TCF12: variants seen among roughly 807,000 people sequenced by gnomAD.
The protein encoded by TCF12 is transcription factor 12, also known as DNA-binding protein HTF4.
A neutral mutation model predicts 86.0 loss-of-function variants in TCF12; 45 were observed. The ratio of observed to expected loss-of-function variants is 0.52; its 90% CI spans 0.41 to 0.67. The LOEUF (loss-of-function observed/expected upper bound fraction) is 0.67. Ranked by LOEUF, TCF12 falls within the 30% of genes least tolerant of loss-of-function variation. TCF12 has a pLI of 0.00. For synonymous variants in TCF12, 330 were observed against 299.6 expected, an observed-to-expected ratio of 1.10 and a Z score of -1.05; for missense variants, 881 against 859.9, an observed-to-expected ratio of 1.02 and a Z score of -0.31.
chr15:56,957,974 G>A (rs1297226097), intron 3 of TCF12, among the ~76,000 whole-genome samples: 1 of 152,096 alleles, frequency 6.6e-6, no homozygotes, highest in South Asian at 2.1e-4. Flanking sequence ...TCAGTGCCCC[G>A]GGATTCCTGA....
chr15:57,254,990 TTAA>T (rs1370518219), intron 16 of TCF12, among the ~76,000 whole-genome samples: 5 of 152,324 alleles, frequency 3.3e-5, no homozygotes, highest in East Asian at 1.9e-4. Context: ...GCAGAATAAC[TTAA>T]TAATTTGTTG....
Position 57,273,177 on chromosome 15 carries a change from C to G in TCF12, c.1893C>G (p.His631Gln), listed in dbSNP as rs1203447552. Reference protein sequence around the residue: ...FKELGRMCQLHLKSEKPQTKL... With the variant: ...FKELGRMCQLQLKSEKPQTKL... ...AGCTTGGCCGAATGTGTCAGCTTCA[C>G]TTGAAGAGTGAAAAACCCCAAACAA... Residue 631 changes from histidine (H) to glutamine (Q), a missense_variant, in exon 19 of 21, where the codon CAC becomes CAG. This residue lies in a region of TCF12 where 46 missense variants were observed against 76.7 expected (regional missense o/e 0.60). Coordinates refer to ENST00000333725, the MANE Select transcript of TCF12 (RefSeq NM_207037.2). 1 of 1,614,196 alleles carries G rather than the reference C, an allele frequency of 6.2e-7. No individual in the cohort carries two copies. Among genetic ancestry groups the G allele is most frequent in the Non-Finnish European group, 8.5e-7 (1 of 1,180,040 alleles).
chr15:57,279,753 G>A (rs544447649), intron 19 of TCF12, among the ~76,000 whole-genome samples: 1 of 152,220 alleles, frequency 6.6e-6, no homozygotes, highest in African/African-American at 2.4e-5. Context: ...ATTATAAAGA[G>A]AAATGTGAGC....
intron 5 of TCF12, 42 bp from the exon 6 acceptor site, chr15:57,166,360 A>G (rs781547009): frequency 6.5e-6 from 10 of 1,536,196 alleles, no homozygotes; most frequent in South Asian, 5.9e-5. Context: ...GTCTGTCAAT[A>G]AATGAAGGGT....
At chr15:57,062,366 T>G (rs1444592903) in intron 3 of TCF12, among the ~76,000 whole-genome samples, 2 of 152,134 alleles carry the variant, frequency 1.3e-5, no homozygotes, top group Non-Finnish European at 2.9e-5. Flanking sequence ...ACGTAATCTC[T>G]GTGTTTTCAA....
chr15:57,030,927 C>T (rs530434213), intron 3 of TCF12, among the ~76,000 whole-genome samples: 110 of 152,240 alleles, frequency 7.2e-4, no homozygotes, highest in East Asian at 2.3e-3. Flanking sequence ...ACTGACCAAG[C>T]TTTATTTATT....
intron 3 of TCF12, among the ~76,000 whole-genome samples, chr15:56,927,164 A>G (rs2060051697): frequency 6.6e-6 from 1 of 152,164 alleles, no homozygotes. Context: ...AAAGATGCTG[A>G]ATTGTTTTTT....
At chr15:57,015,313 A>G (rs916402917) in intron 3 of TCF12, among the ~76,000 whole-genome samples, 3 of 152,124 alleles carry the variant, frequency 2.0e-5, no homozygotes, top group Non-Finnish European at 4.4e-5. Context: ...ACCAAAATTC[A>G]GATGCTTTAA....
At chr15:57,263,377 G>C (rs1315869365) in intron 18 of TCF12, 103 bp downstream of exon 18, 3 of 1,224,830 alleles carry the variant, frequency 2.4e-6, no homozygotes, top group Non-Finnish European at 3.4e-6. Context: ...CTATGTTCTA[G>C]ATATTGTGTT....
chr15:57,108,003 C>T (rs2050247865), intron 5 of TCF12, among the ~76,000 whole-genome samples: 1 of 152,140 alleles, frequency 6.6e-6, no homozygotes, highest in Admixed American at 6.5e-5. Flanking sequence ...TAGGAAACTA[C>T]AATTCTAATG....
At chr15:56,979,822 C>T (rs1206155042) in intron 3 of TCF12, among the ~76,000 whole-genome samples, 1 of 152,154 alleles carries the variant, frequency 6.6e-6, no homozygotes, top group Non-Finnish European at 1.5e-5. Flanking sequence ...TGTATGACTT[C>T]TGTGACCTGT....
At chr15:57,066,156 C>T (rs1257856067) in intron 4 of TCF12, among the ~76,000 whole-genome samples, 1 of 152,150 alleles carries the variant, frequency 6.6e-6, no homozygotes, top group Non-Finnish European at 1.5e-5. Flanking sequence ...AAGCCTCCCT[C>T]AGTACTACTT....
At chr15:57,020,615 A>G (rs1054839147) in intron 3 of TCF12, among the ~76,000 whole-genome samples, 31 of 152,238 alleles carry the variant, frequency 2.0e-4, no homozygotes, top group African/African-American at 7.5e-4. Context: ...ACTCAAAGCT[A>G]ATATAACCAT....
At chr15:57,022,516 G>T (rs1877950207) in intron 3 of TCF12, among the ~76,000 whole-genome samples, 1 of 152,154 alleles carries the variant, frequency 6.6e-6, no homozygotes, top group South Asian at 2.1e-4. Flanking sequence ...GAATAGTGCT[G>T]CAGTAAACAT....
chr15:57,062,860 A>T (rs1288960678), intron 3 of TCF12, among the ~76,000 whole-genome samples: 1 of 152,236 alleles, frequency 6.6e-6, no homozygotes, highest in African/African-American at 2.4e-5. Flanking sequence ...TCATCATAGA[A>T]TGAAACTCAG....
intron 3 of TCF12, among the ~76,000 whole-genome samples, chr15:57,039,830 C>T (rs866386339): frequency 1.3e-5 from 2 of 152,152 alleles, no homozygotes; most frequent in African/African-American, 4.8e-5. Context: ...AATATTCCTG[C>T]CCTCTGACAC....
intron 5 of TCF12, among the ~76,000 whole-genome samples, chr15:57,107,636 A>G (rs1415911933): frequency 1.3e-5 from 2 of 152,218 alleles, no homozygotes; most frequent in African/African-American, 4.8e-5. Flanking sequence ...CTGTAATCCC[A>G]GCACATTCAG....
intron 4 of TCF12, among the ~76,000 whole-genome samples, chr15:57,069,748 A>G (rs1414958355): frequency 6.6e-6 from 1 of 152,140 alleles, no homozygotes; most frequent in Non-Finnish European, 1.5e-5. Context: ...GTACTTCCCA[A>G]CTCAAAGAAC....
intron 5 of TCF12, among the ~76,000 whole-genome samples, chr15:57,121,184 T>G (rs2051202101): frequency 6.6e-6 from 1 of 152,226 alleles, no homozygotes; most frequent in Admixed American, 6.5e-5. Context: ...ATGACTGACG[T>G]AGAAACTGAG....
Sources: gnomAD v4.1 joint callset for allele counts (sites outside exome capture counted in the v4.1 genomes callset) on GRCh38, gnomAD v4.1.1 for gene constraint, gnomAD v4.1.1 regional missense constraint, MANE v1.5 for transcripts, NCBI Gene and HGNC (gene_info 2026-07-23, HGNC 2026-07-21) for gene names.